The following ASCC1 variants were observed in gnomAD, a reference collection of about 807,000 sequenced individuals.
ASCC1 encodes ASC-1 complex subunit P50.
ASCC1 carries 35 observed loss-of-function variants against 46.6 expected under a neutral mutation model. The ratio of observed to expected loss-of-function variants is 0.75; its 90% CI spans 0.57 to 0.99. ASCC1 has a LOEUF of 0.99. Ranked by LOEUF, ASCC1 falls within the 50% of genes least tolerant of loss-of-function variation. The probability of loss-of-function intolerance (pLI) is 0.00; values close to 1 mark genes in which losing one functional copy is unlikely to be tolerated. For synonymous variants in ASCC1, 143 were observed against 146.6 expected (o/e 0.98, Z 0.18); for missense variants, 376 against 428.7 (o/e 0.88, Z 1.09).
intron 4 of ASCC1, chr10:72,198,599 A>C (rs1359990067): frequency 2.2e-6 from 1 of 455,722 alleles, no homozygotes; most frequent in East Asian, 7.0e-5. Context: ...GAGATTTCAA[A>C]ACAGACAAGA....
intron 9 of ASCC1, among the ~76,000 whole-genome samples, chr10:72,109,044 C>A (rs1589182374): frequency 6.6e-6 from 1 of 152,276 alleles, no homozygotes; most frequent in South Asian, 2.1e-4. Flanking sequence ...CAAGATGCCA[C>A]TTTTAATCTG....
intron 9 of ASCC1, chr10:72,102,321 G>A (rs1420003349): frequency 7.8e-6 from 12 of 1,546,754 alleles, no homozygotes; most frequent in African/African-American, 6.9e-5. Flanking sequence ...ACACACTCAC[G>A]GCTGTATCTT....
chr10:72,198,507 G>A (rs1393337412), intron 4 of ASCC1: 2 of 455,076 alleles, frequency 4.4e-6, no homozygotes, highest in Non-Finnish European at 8.8e-6. Context: ...GAGGCCAGGA[G>A]TTCCAGACAG....
intron 9 of ASCC1, among the ~76,000 whole-genome samples, chr10:72,114,557 G>T (rs149904701): frequency 6.6e-6 from 1 of 151,106 alleles, no homozygotes; most frequent in Non-Finnish European, 1.5e-5. Context: ...CCCGGGAGGC[G>T]GAGCATGCAG....
chr10:72,179,000 A>G (rs1564705364), intron 5 of ASCC1, among the ~76,000 whole-genome samples: 1 of 152,206 alleles, frequency 6.6e-6, no homozygotes, highest in Non-Finnish European at 1.5e-5. Flanking sequence ...CATCTTAATG[A>G]ACGTGTCCTT....
At chr10:72,138,366 C>T (rs1846517525) in intron 7 of ASCC1, among the ~76,000 whole-genome samples, 1 of 152,098 alleles carries the variant, frequency 6.6e-6, no homozygotes, top group Non-Finnish European at 1.5e-5. Flanking sequence ...ACTAAACAGA[C>T]TACATGAAAG....
At chr10:72,176,978 A>G (rs565868291) in intron 5 of ASCC1, among the ~76,000 whole-genome samples, 1 of 152,064 alleles carries the variant, frequency 6.6e-6, no homozygotes, top group Admixed American at 6.6e-5. Flanking sequence ...CTTATCTAGT[A>G]GCACTTATCT....
At chr10:72,216,890 G>A (rs1280589678), upstream of ASCC1, 2 of 456,214 alleles carry the variant, frequency 4.4e-6, no homozygotes, top group Admixed American at 2.3e-5. Context: ...GGGCACCTCC[G>A]GTGGGCCTGG....
At chr10:72,130,965 CAG>C (rs1202684931) in intron 8 of ASCC1, among the ~76,000 whole-genome samples, 4 of 152,170 alleles carry the variant, frequency 2.6e-5, no homozygotes, top group African/African-American at 9.7e-5. Flanking sequence ...TACATCATCT[CAG>C]GGGATTCTCA....
rs115812646 is a variant in ASCC1 at position 72,101,659 on chromosome 10, G to C, written c.958-4209C>G. 9.0e-3 allele frequency among the ~76,000 whole-genome samples: 1,374 copies of C among 152,244 alleles called. 17 individuals are homozygous for C. The highest frequency in any genetic ancestry group is 0.032 in the African/African-American group (1,312 of 41,502). On this transcript the variant is annotated intron_variant, in intron 9 of 9. Transcript: ENST00000672957. ...TCACAAGTTATACTTCATCCTACAT[G>C]GTGGGGAACCACTGAAGGCTTTAGG...
At chr10:72,151,036 G>A (rs1848262343) in intron 7 of ASCC1, among the ~76,000 whole-genome samples, 1 of 152,208 alleles carries the variant, frequency 6.6e-6, no homozygotes, top group Admixed American at 6.5e-5. Flanking sequence ...AAGACAGTGT[G>A]GTGATTCCTC....
chr10:72,112,878 CAAAA>C lies in ASCC1; in HGVS notation c.957+15200_957+15203del, dbSNP rs60754683. Among the ~76,000 whole-genome samples the C allele has an allele frequency of 7.8e-3, 648 of 82,852 alleles. 3 individuals are homozygous for C. The highest frequency in any genetic ancestry group is 0.03 in the African/African-American group (613 of 20,506). 54.4% of individuals were successfully genotyped at this position (82,852 alleles called of 152,430 possible). On this transcript the variant is annotated intron_variant, in intron 9 of 9. Coordinates refer to ENST00000672957, the MANE Select transcript of ASCC1 (RefSeq NM_001198800.3). ...GGGCAACAGAGCTAGACTCTGCCTC[CAAAA>C]AAAAAAAAAAAAAAAAAAACCCCAA...
chr10:72,184,918 G>C (rs1853236058), intron 5 of ASCC1, among the ~76,000 whole-genome samples: 1 of 151,480 alleles, frequency 6.6e-6, no homozygotes, highest in South Asian at 2.1e-4. Flanking sequence ...ACCATAAAAA[G>C]AAAAGCTAAA....
chr10:72,182,384 T>C (rs1361888202), intron 5 of ASCC1, among the ~76,000 whole-genome samples: 1 of 152,118 alleles, frequency 6.6e-6, no homozygotes, highest in South Asian at 2.1e-4. Context: ...AAAATAGAAC[T>C]AGCTTCAATG....
chr10:72,157,099 GC>G (rs1214315329), intron 6 of ASCC1, among the ~76,000 whole-genome samples: 1 of 152,080 alleles, frequency 6.6e-6, no homozygotes, highest in East Asian at 1.9e-4. Context: ...GAGCCACTGC[GC>G]CCGGCCCAGA....
intron 5 of ASCC1, among the ~76,000 whole-genome samples, chr10:72,169,809 G>A (rs1472955253): frequency 6.6e-6 from 1 of 152,126 alleles, no homozygotes; most frequent in East Asian, 1.9e-4. Context: ...CCACACTAGA[G>A]GGGGTTAAGA....
rs747504072 is a variant in ASCC1 at position 72,097,009 on chromosome 10, T to G, written c.*325A>C. The G allele has an allele frequency of 4.4e-6, 2 of 459,332 alleles. No homozygotes were observed. Among genetic ancestry groups the G allele is most frequent in the South Asian group, 3.1e-5 (2 of 64,526 alleles). 28.5% of individuals were successfully genotyped at this position (459,332 alleles called of 1,614,324 possible). A position where few individuals can be genotyped will look rare whatever the true frequency, so the allele number is the denominator to read the frequency against. Reference sequence around the variant, plus strand: ...CGGCCACACAGCATTATGAATGTATTAACAGTTAACGTTACTGAACTGTGC... The same window carrying G: ...CGGCCACACAGCATTATGAATGTATGAACAGTTAACGTTACTGAACTGTGC... On this transcript the variant is annotated 3_prime_UTR_variant, in exon 10 of 10. Transcript: ENST00000672957.
At chr10:72,116,638 C>T (rs945286741) in intron 9 of ASCC1, among the ~76,000 whole-genome samples, 9 of 152,196 alleles carry the variant, frequency 5.9e-5, no homozygotes, top group East Asian at 3.8e-4. Context: ...TTCCAGTTCA[C>T]GATTTCCCTC....
intron 5 of ASCC1, chr10:72,190,099 C>CT: frequency 1.3e-6 from 1 of 758,418 alleles, no homozygotes; most frequent in Non-Finnish European, 2.4e-6. Context: ...AACTGGGCTG[C>CT]AAGACCAAGC....
Sources: gnomAD v4.1 joint callset for allele counts (sites outside exome capture counted in the v4.1 genomes callset) on GRCh38, gnomAD v4.1.1 for gene constraint, MANE v1.5 for transcripts, NCBI Gene and HGNC (gene_info 2026-07-23, HGNC 2026-07-21) for gene names.